Variants in INIP observed in about 807,000 individuals in gnomAD.
INIP encodes the protein SOSS complex subunit C.
A neutral mutation model predicts 14.0 loss-of-function variants in INIP; 9 were observed. That is an observed-to-expected ratio of 0.64 (90% CI 0.39 to 1.12). The LOEUF is 1.12. Among genes scored for constraint, INIP ranks in the 50% most tolerant of loss-of-function variants. The probability of loss-of-function intolerance (pLI) is 0.01; values close to 1 mark genes in which losing one functional copy is unlikely to be tolerated. For missense variants in INIP, 78 were observed against 122.7 expected (o/e 0.64, Z 1.72); for synonymous variants, 37 against 41.5 (o/e 0.89, Z 0.41).
chr9:112,711,513 A>C (rs981911987), intron 2 of INIP, among the ~76,000 whole-genome samples: 5 of 152,254 alleles, frequency 3.3e-5, no homozygotes, highest in Admixed American at 3.3e-4. Context: ...TAGTGGGATA[A>C]TTTAAAATTT....
chr9:112,712,735 A>C (rs1238971355), intron 2 of INIP, among the ~76,000 whole-genome samples: 1 of 152,220 alleles, frequency 6.6e-6, no homozygotes, highest in African/African-American at 2.4e-5. Flanking sequence ...GAAGTTATTA[A>C]AGTTAGAGCA....
intron 1 of INIP, among the ~76,000 whole-genome samples, chr9:112,716,992 A>G (rs1460381593): frequency 6.6e-6 from 1 of 152,022 alleles, no homozygotes; most frequent in Admixed American, 6.6e-5. Context: ...AGAAAGAAAG[A>G]TACATTTGAA....
chr9:112,686,814 G>C lies in INIP; in HGVS notation c.*724C>G, dbSNP rs1438630545. 1 of 152,130 alleles carries C rather than the reference G, an allele frequency of 6.6e-6. No individual in the cohort carries two copies. Among genetic ancestry groups the C allele is most frequent in the Non-Finnish European group, 1.5e-5 (1 of 68,030 alleles). The allele number at this position is 152,130 out of a possible 1,614,324, so 9.4% of individuals were successfully genotyped here. ...TGCCCAGCCAAAAAGTTTTCAGTTAGAACAAAAATGGAAAACAGAACCACA... is the reference window on the plus strand; with the variant it reads ...TGCCCAGCCAAAAAGTTTTCAGTTACAACAAAAATGGAAAACAGAACCACA... On this transcript the variant is annotated 3_prime_UTR_variant, in exon 5 of 5. Coordinates refer to ENST00000374242, the MANE Select transcript of INIP (RefSeq NM_021218.3).
chr9:112,715,133 T>TACACACACACACACACACACACAC (rs58647648), intron 2 of INIP, among the ~76,000 whole-genome samples: 2 of 133,432 alleles, frequency 1.5e-5, no homozygotes, highest in Non-Finnish European at 1.6e-5. Flanking sequence ...CATACATACA[T>TACACACACACACACACACACACAC]ACACACACAC....
chr9:112,688,441 C>T (rs559563798), intron 4 of INIP, among the ~76,000 whole-genome samples: 70 of 146,186 alleles, frequency 4.8e-4, no homozygotes, highest in Middle Eastern at 3.5e-3. Flanking sequence ...TGGTAGAGAA[C>T]GTTGGAATGT....
At chr9:112,714,771 C>T (rs2131318956) in intron 2 of INIP, among the ~76,000 whole-genome samples, 1 of 152,128 alleles carries the variant, frequency 6.6e-6, no homozygotes, top group Middle Eastern at 3.4e-3. Flanking sequence ...TCAGATCTAC[C>T]ATCATATGTT....
intron 1 of INIP, among the ~76,000 whole-genome samples, chr9:112,717,301 T>C (rs1838855699): frequency 6.6e-6 from 1 of 152,210 alleles, no homozygotes; most frequent in African/African-American, 2.4e-5. Flanking sequence ...CTCTGCACCA[T>C]ACACTGTGTA....
At chr9:112,702,981 T>C (rs78625037) in intron 2 of INIP, among the ~76,000 whole-genome samples, 1 of 152,212 alleles carries the variant, frequency 6.6e-6, no homozygotes. Context: ...TTTTTTTTTT[T>C]AGTGGAAGAA....
rs1564218422 is a variant in INIP at position 112,687,480 on chromosome 9, T to TG, written c.*57dup. On this transcript the variant is annotated 3_prime_UTR_variant, in exon 5 of 5. Coordinates refer to ENST00000374242, the MANE Select transcript of INIP (RefSeq NM_021218.3). ...AAGTCACAGTTCATGTAGCACTGAA[T>TG]GATAGTAGCTTTGGCATTTGATATT... The TG allele has an allele frequency of 9.4e-7, 1 of 1,062,250 alleles. No homozygotes were observed. Among genetic ancestry groups the TG allele is most frequent in the Admixed American group, 1.7e-5 (1 of 57,964 alleles). The allele number at this position is 1,062,250 out of a possible 1,614,324, so 65.8% of individuals were successfully genotyped here.
intron 3 of INIP, among the ~76,000 whole-genome samples, chr9:112,692,161 G>T (rs1459053027): frequency 1.3e-5 from 2 of 152,186 alleles, no homozygotes; most frequent in Non-Finnish European, 2.9e-5. Context: ...TTGATGGAGG[G>T]CCTGGAAGTC....
intron 2 of INIP, among the ~76,000 whole-genome samples, chr9:112,712,447 TAAG>T (rs143720126): frequency 6.6e-6 from 1 of 151,604 alleles, no homozygotes; most frequent in South Asian, 2.1e-4. Flanking sequence ...TCACAACTTA[TAAG>T]AAGAAAAAGG....
At chr9:112,700,936 G>A (rs975247544) in intron 2 of INIP, among the ~76,000 whole-genome samples, 24 of 152,158 alleles carry the variant, frequency 1.6e-4, no homozygotes, top group African/African-American at 5.8e-4. Context: ...GCGCAAAAGA[G>A]AGAGACCCTG....
Position 112,685,202 on chromosome 9 carries a change from C to T in INIP, c.*2336G>A, listed in dbSNP as rs62575233. Reference sequence around the variant, plus strand: ...AAGCAATCCTCCCACCTCAGCCTCCCGAGTGGCTGGGACTCTATGCATGCA... The same window carrying T: ...AAGCAATCCTCCCACCTCAGCCTCCTGAGTGGCTGGGACTCTATGCATGCA... On this transcript the variant is annotated 3_prime_UTR_variant, in exon 5 of 5. Coordinates refer to ENST00000374242, the MANE Select transcript of INIP (RefSeq NM_021218.3). The T allele has an allele frequency of 0.067, 10,235 of 152,180 alleles. 470 individuals carry two copies. The highest frequency in any genetic ancestry group is 0.11 in the South Asian group (530 of 4,792). The allele number at this position is 152,180 out of a possible 1,614,324, so 9.4% of individuals were successfully genotyped here. A position where few individuals can be genotyped will look rare whatever the true frequency, so the allele number is the denominator to read the frequency against.
intron 2 of INIP, among the ~76,000 whole-genome samples, chr9:112,704,051 G>A (rs1386610259): frequency 3.3e-5 from 5 of 152,112 alleles, no homozygotes; most frequent in Non-Finnish European, 7.4e-5. Context: ...GTCTATTTAT[G>A]AAGTATAGCC....
chr9:112,714,495 A>C (rs1838745066), intron 2 of INIP, among the ~76,000 whole-genome samples: 1 of 152,208 alleles, frequency 6.6e-6, no homozygotes, highest in South Asian at 2.1e-4. Flanking sequence ...AATGTGTCTG[A>C]CTTGATTTGT....
At chr9:112,705,465 A>G (rs1838430194) in intron 2 of INIP, among the ~76,000 whole-genome samples, 1 of 152,008 alleles carries the variant, frequency 6.6e-6, no homozygotes, top group Non-Finnish European at 1.5e-5. Context: ...ATGTGCCACC[A>G]TACCTGACTA....
At chr9:112,707,864 A>G (rs1457242536) in intron 2 of INIP, among the ~76,000 whole-genome samples, 1 of 152,212 alleles carries the variant, frequency 6.6e-6, no homozygotes, top group Non-Finnish European at 1.5e-5. Context: ...GAGCAACGTC[A>G]CTGTGGCACT....
At chr9:112,708,845 CTT>C (rs763882544) in intron 2 of INIP, among the ~76,000 whole-genome samples, 4 of 144,852 alleles carry the variant, frequency 2.8e-5, no homozygotes, top group Admixed American at 6.9e-5. Flanking sequence ...TTTTTATTAA[CTT>C]TTTTTTTTTT....
intron 4 of INIP, 59 bp from the exon 5 acceptor site, chr9:112,687,692 G>T: frequency 1.0e-6 from 1 of 953,542 alleles, no homozygotes; most frequent in South Asian, 1.9e-5. Flanking sequence ...ACAATTCTTC[G>T]ACCAAGGCAT....
Sources: gnomAD v4.1 joint callset for allele counts (sites outside exome capture counted in the v4.1 genomes callset) on GRCh38, gnomAD v4.1.1 for gene constraint, MANE v1.5 for transcripts, NCBI Gene and HGNC (gene_info 2026-07-23, HGNC 2026-07-21) for gene names.